Variants in DLG2 observed in about 807,000 individuals in gnomAD.
DLG2 encodes the protein discs large MAGUK scaffold protein 2.
In DLG2, 45 loss-of-function variants were observed where a neutral mutation model predicts 132.5. That is an observed-to-expected ratio of 0.34 (90% CI 0.27 to 0.44). The LOEUF (loss-of-function observed/expected upper bound fraction) is 0.44. Among genes scored for constraint, DLG2 ranks in the 20% least tolerant of loss-of-function variants. The pLI, the probability that DLG2 is intolerant of heterozygous loss-of-function variation, is 1.00. For missense variants in DLG2, 1,045 were observed against 1,196.9 expected (o/e 0.87, Z 1.87); for synonymous variants, 424 against 419.6 (o/e 1.01, Z -0.13).
chr11:83,542,390 T>A (rs556584455), intron 19 of DLG2, among the ~76,000 whole-genome samples: 44 of 152,246 alleles, frequency 2.9e-4, no homozygotes, highest in African/African-American at 8.9e-4. Context: ...CAATGAAATA[T>A]TGGACCACCA....
chr11:85,373,589 C>T (rs2152920803), intron 3 of DLG2, among the ~76,000 whole-genome samples: 1 of 152,300 alleles, frequency 6.6e-6, no homozygotes, highest in South Asian at 2.1e-4. Context: ...AAGTTCACGA[C>T]ATTTGCTTCA....
At chr11:85,367,863 G>A (rs1014331182) in intron 3 of DLG2, among the ~76,000 whole-genome samples, 2 of 151,980 alleles carry the variant, frequency 1.3e-5, no homozygotes, top group African/African-American at 2.4e-5. Context: ...AATTTCCATT[G>A]CATTTATAGA....
chr11:84,780,713 T>C (rs1194229282), intron 6 of DLG2, among the ~76,000 whole-genome samples: 1 of 152,112 alleles, frequency 6.6e-6, no homozygotes, highest in East Asian at 1.9e-4. Context: ...TTACATTGAA[T>C]TGAAAACATT....
chr11:85,522,041 G>A (rs2074357049), intron 3 of DLG2, among the ~76,000 whole-genome samples: 1 of 152,162 alleles, frequency 6.6e-6, no homozygotes, highest in African/African-American at 2.4e-5. Context: ...AATGTTTCTA[G>A]GGCATGTCAG....
intron 7 of DLG2, among the ~76,000 whole-genome samples, chr11:84,408,337 TTATA>T (rs34156590): frequency 8.1e-5 from 12 of 148,352 alleles, no homozygotes; most frequent in African/African-American, 1.5e-4. Context: ...CTTGCACATG[TTATA>T]TATATATATA....
intron 7 of DLG2, among the ~76,000 whole-genome samples, chr11:84,459,585 G>T (rs1293924772): frequency 6.7e-6 from 1 of 150,244 alleles, no homozygotes; most frequent in Admixed American, 6.7e-5. Context: ...CTGGAATATG[G>T]GCTGCCCCAT....
intron 7 of DLG2, among the ~76,000 whole-genome samples, chr11:84,398,315 C>A (rs1333149647): frequency 6.6e-6 from 1 of 151,858 alleles, no homozygotes; most frequent in African/African-American, 2.4e-5. Context: ...AAGGAGGAAA[C>A]CAGAAAGCAA....
chr11:84,782,335 A>G (rs2071956568), intron 6 of DLG2, among the ~76,000 whole-genome samples: 1 of 152,094 alleles, frequency 6.6e-6, no homozygotes, highest in Non-Finnish European at 1.5e-5. Context: ...GGGGAATCAA[A>G]GATAACTTTG....
intron 15 of DLG2, 140 bp from the exon 16 acceptor site, chr11:83,874,628 C>G: frequency 2.1e-6 from 1 of 474,442 alleles, no homozygotes; most frequent in Non-Finnish European, 3.6e-6. Context: ...TGTTGGTGTG[C>G]TGCACCCATT....
chr11:84,088,287 T>G (rs1445784529), intron 10 of DLG2, among the ~76,000 whole-genome samples: 1 of 152,062 alleles, frequency 6.6e-6, no homozygotes, highest in Non-Finnish European at 1.5e-5. Flanking sequence ...TGATCCCATT[T>G]AATTAATATT....
Position 83,980,491 on chromosome 11 carries a change from T to C in DLG2, c.1056+15A>G. 1 of 1,606,934 alleles carries C rather than the reference T, an allele frequency of 6.2e-7. No individual in the cohort carries two copies. The highest frequency in any genetic ancestry group is 8.5e-7 in the Non-Finnish European group (1 of 1,177,020). On this transcript the variant is annotated intron_variant, in intron 12 of 27. Coordinates refer to ENST00000376104, the MANE Select transcript of DLG2 (RefSeq NM_001142699.3). Reference sequence around the variant, plus strand: ...TTTATAAATATACACACAGTTTTGCTGGAGTCACACTCACCATTAGTAGTC... The same window carrying C: ...TTTATAAATATACACACAGTTTTGCCGGAGTCACACTCACCATTAGTAGTC...
chr11:84,506,647 C>A (rs1181866809), intron 7 of DLG2, among the ~76,000 whole-genome samples: 4 of 152,122 alleles, frequency 2.6e-5, no homozygotes, highest in Non-Finnish European at 4.4e-5. Flanking sequence ...ACTCTGACAT[C>A]CCAAACTGTA....
chr11:84,859,284 A>C (rs1288392573), intron 6 of DLG2, among the ~76,000 whole-genome samples: 1 of 148,480 alleles, frequency 6.7e-6, no homozygotes, highest in African/African-American at 2.5e-5. Context: ...ATATGTATAT[A>C]TGTACATTTC....
chr11:85,539,561 T>A (rs2075824449), intron 3 of DLG2, among the ~76,000 whole-genome samples: 2 of 152,216 alleles, frequency 1.3e-5, no homozygotes, highest in South Asian at 4.1e-4. Flanking sequence ...GGAAATATTC[T>A]GGAGCTAGTT....
chr11:83,556,923 T>A (rs773726767), intron 19 of DLG2, among the ~76,000 whole-genome samples: 3 of 152,194 alleles, frequency 2.0e-5, no homozygotes, highest in Non-Finnish European at 4.4e-5. Context: ...CCCTGGCCAG[T>A]GGTACTTCAA....
chr11:84,838,961 C>T (rs2080208250), intron 6 of DLG2, among the ~76,000 whole-genome samples: 1 of 152,036 alleles, frequency 6.6e-6, no homozygotes, highest in African/African-American at 2.4e-5. Context: ...CTCACCACTG[C>T]TATTCAGTGT....
At chr11:84,502,544 C>G (rs567838702) in intron 7 of DLG2, among the ~76,000 whole-genome samples, 5 of 150,652 alleles carry the variant, frequency 3.3e-5, no homozygotes, top group African/African-American at 7.3e-5. Flanking sequence ...TACAGGGTCC[C>G]GCCACCATAC....
intron 4 of DLG2, among the ~76,000 whole-genome samples, chr11:85,269,648 G>A (rs186513903): frequency 6.6e-6 from 1 of 152,148 alleles, no homozygotes. Flanking sequence ...AATGTTAACT[G>A]TTCACAATAG....
chr11:84,737,997 A>C (rs992934386), intron 6 of DLG2, among the ~76,000 whole-genome samples: 3 of 152,084 alleles, frequency 2.0e-5, no homozygotes, highest in Non-Finnish European at 4.4e-5. Context: ...TTTTGCTTGC[A>C]TTGTAAATTT....
Sources: allele counts gnomAD v4.1 joint callset (sites outside exome capture counted in the v4.1 genomes callset), GRCh38; gene constraint gnomAD v4.1.1; transcripts MANE v1.5; gene names NCBI Gene and HGNC (gene_info 2026-07-23, HGNC 2026-07-21).